GRM8: variants seen among roughly 807,000 people sequenced by gnomAD.
The protein encoded by GRM8 is glutamate metabotropic receptor 8, also known as metabotropic glutamate receptor 8.
In GRM8, 47 loss-of-function variants were observed where a neutral mutation model predicts 87.2. That is an observed-to-expected ratio of 0.54 (90% CI 0.43 to 0.69). The LOEUF is 0.69. Among genes scored for constraint, GRM8 ranks in the 30% least tolerant of loss-of-function variants. The pLI is 0.00. For missense variants in GRM8, 1,019 were observed against 1,139.2 expected, an observed-to-expected ratio of 0.89 and a Z score of 1.52; for synonymous variants, 396 against 404.5, an observed-to-expected ratio of 0.98 and a Z score of 0.25.
At chr7:126,747,964 T>A (rs1815902191) in intron 7 of GRM8, among the ~76,000 whole-genome samples, 1 of 151,978 alleles carries the variant, frequency 6.6e-6, no homozygotes, top group Non-Finnish European at 1.5e-5. Context: ...TATTTTATAT[T>A]ATTTTATTGT....
chr7:126,474,919 G>C (rs891495463), intron 9 of GRM8, among the ~76,000 whole-genome samples: 35 of 152,218 alleles, frequency 2.3e-4, no homozygotes, highest in African/African-American at 8.2e-4. Context: ...AAAGACATTT[G>C]ACAAAATTCA....
intron 2 of GRM8, among the ~76,000 whole-genome samples, chr7:127,152,042 A>G (rs781396667): frequency 3.9e-5 from 6 of 152,102 alleles, no homozygotes; most frequent in Non-Finnish European, 8.8e-5. Context: ...AAAATAGGGA[A>G]ACTGCTATCT....
intron 6 of GRM8, among the ~76,000 whole-genome samples, chr7:126,784,232 C>T (rs1820388991): frequency 6.6e-6 from 1 of 152,108 alleles, no homozygotes; most frequent in Admixed American, 6.6e-5. Flanking sequence ...CCTATTAAAT[C>T]TCTCATTATT....
intron 6 of GRM8, among the ~76,000 whole-genome samples, chr7:126,895,820 A>T (rs1801491328): frequency 6.6e-6 from 1 of 152,044 alleles, no homozygotes; most frequent in Non-Finnish European, 1.5e-5. Context: ...CAATGTGAAG[A>T]ATATTAAAAT....
intron 6 of GRM8, among the ~76,000 whole-genome samples, chr7:126,841,754 A>C (rs1290477850): frequency 6.6e-6 from 1 of 151,738 alleles, no homozygotes; most frequent in Admixed American, 6.6e-5. Context: ...CAGCCTCCTG[A>C]GTAGCTGAGA....
chr7:127,218,761 G>T (rs529930866), intron 2 of GRM8, among the ~76,000 whole-genome samples: 2 of 152,286 alleles, frequency 1.3e-5, no homozygotes, highest in African/African-American at 4.8e-5. Flanking sequence ...TACTGACAGT[G>T]GGTCAGTAGT....
At chr7:126,592,299 C>T (rs1045972856) in intron 8 of GRM8, among the ~76,000 whole-genome samples, 1 of 151,714 alleles carries the variant, frequency 6.6e-6, no homozygotes, top group Non-Finnish European at 1.5e-5. Context: ...CACCCTGATA[C>T]CAAAGCCAGA....
intron 3 of GRM8, among the ~76,000 whole-genome samples, chr7:126,928,707 A>G (rs903203594): frequency 3.3e-5 from 5 of 152,078 alleles, no homozygotes; most frequent in African/African-American, 1.2e-4. Context: ...GCACTGTTAA[A>G]GCATTTGCTG....
chr7:126,974,487 T>C (rs919214848), intron 3 of GRM8, among the ~76,000 whole-genome samples: 1 of 152,040 alleles, frequency 6.6e-6, no homozygotes, highest in Admixed American at 6.6e-5. Flanking sequence ...CTTAAAAAAG[T>C]TTGATCAAAC....
intron 6 of GRM8, among the ~76,000 whole-genome samples, chr7:126,890,603 C>G (rs1050761507): frequency 3.9e-5 from 6 of 152,128 alleles, no homozygotes; most frequent in African/African-American, 1.4e-4. Flanking sequence ...CCTCCCACCC[C>G]CTGAGAGAGA....
intron 3 of GRM8, among the ~76,000 whole-genome samples, chr7:127,062,964 C>T (rs530017411): frequency 1.4e-4 from 21 of 152,170 alleles, no homozygotes; most frequent in South Asian, 1.2e-3. Context: ...CCCACAAAAC[C>T]GACTCCTGCT....
intron 2 of GRM8, among the ~76,000 whole-genome samples, chr7:127,222,513 C>T (rs1410377328): frequency 6.6e-6 from 1 of 152,152 alleles, no homozygotes; most frequent in Admixed American, 6.5e-5. Flanking sequence ...ATGTTCTTAT[C>T]TGGATACAAA....
intron 2 of GRM8, among the ~76,000 whole-genome samples, chr7:127,197,954 C>T (rs1024909890): frequency 1.3e-5 from 2 of 151,914 alleles, no homozygotes; most frequent in African/African-American, 4.8e-5. Flanking sequence ...CATGTTCATA[C>T]TCTATGTCTT....
At chr7:126,549,624 C>T (rs1792352409) in intron 8 of GRM8, among the ~76,000 whole-genome samples, 2 of 152,034 alleles carry the variant, frequency 1.3e-5, no homozygotes, top group Non-Finnish European at 2.9e-5. Flanking sequence ...AAGCGTAATA[C>T]TTTTTAGGAG....
chr7:126,625,551 T>C (rs185117083), intron 7 of GRM8, among the ~76,000 whole-genome samples: 9 of 152,284 alleles, frequency 5.9e-5, no homozygotes, highest in African/African-American at 2.2e-4. Flanking sequence ...TGGAAATGTC[T>C]TCATGATCCT....
At chr7:126,541,003 T>A (rs972072390) in intron 8 of GRM8, among the ~76,000 whole-genome samples, 7 of 152,232 alleles carry the variant, frequency 4.6e-5, no homozygotes, top group South Asian at 2.1e-4. Context: ...AGTCCTATAA[T>A]GCTGTACAAA....
chr7:126,658,104 A>C (rs1443066195), intron 7 of GRM8, among the ~76,000 whole-genome samples: 1 of 152,244 alleles, frequency 6.6e-6, no homozygotes, highest in African/African-American at 2.4e-5. Context: ...CAAAAGGGGA[A>C]ACAGGAAAAA....
rs879566269 is a variant in GRM8 at position 126,779,313 on chromosome 7, A to G, written c.1157-9248T>C. Among the ~76,000 whole-genome samples, 11 of 152,060 alleles carry G rather than the reference A, an allele frequency of 7.2e-5. No individual in the cohort carries two copies. In the South Asian group the frequency reaches 1.0e-3, roughly 14 times the overall value. On this transcript the variant is annotated intron_variant, in intron 6 of 10. Transcript: ENST00000339582. ...TAATTTATATAACATTATTTTTAACATATCAGATTTTTATATATTCTTGAA... is the reference window on the plus strand; with the variant it reads ...TAATTTATATAACATTATTTTTAACGTATCAGATTTTTATATATTCTTGAA...
chr7:127,038,985 C>T (rs1818102448), intron 3 of GRM8, among the ~76,000 whole-genome samples: 1 of 152,160 alleles, frequency 6.6e-6, no homozygotes, highest in African/African-American at 2.4e-5. Flanking sequence ...TCAAAGAGAG[C>T]CCTCACCCCA....
Sources: gnomAD v4.1 joint callset for allele counts (sites outside exome capture counted in the v4.1 genomes callset) on GRCh38, gnomAD v4.1.1 for gene constraint, MANE v1.5 for transcripts, NCBI Gene and HGNC (gene_info 2026-07-23, HGNC 2026-07-21) for gene names.